Variants in ZC3H12B observed in about 807,000 individuals in gnomAD.
ZC3H12B encodes zinc finger CCCH-type containing 12B, also known as probable ribonuclease ZC3H12B.
ZC3H12B carries 7 observed loss-of-function variants against 43.9 expected under a neutral mutation model. That is an observed-to-expected ratio of 0.16 (90% confidence interval 0.09 to 0.30). The LOEUF (loss-of-function observed/expected upper bound fraction) is 0.30, where lower values mean the gene tolerates loss of function less well. ZC3H12B is among the 10% of genes least tolerant of loss of function. The probability of loss-of-function intolerance (pLI) is 1.00; values close to 1 mark genes in which losing one functional copy is unlikely to be tolerated. For missense variants in ZC3H12B, 475 were observed against 670.2 expected (o/e 0.71, Z 3.22); for synonymous variants, 222 against 241.7 (o/e 0.92, Z 0.76).
intron 3 of ZC3H12B, among the ~76,000 whole-genome samples, chrX:65,430,810 G>A (rs1488836508): frequency 1.8e-5 from 2 of 110,993 alleles, no homozygotes; most frequent in Non-Finnish European, 3.8e-5. Flanking sequence ...GCTGAGGATG[G>A]GGGTTCACTT....
the ZC3H12B span, among the ~76,000 whole-genome samples, chrX:65,277,320 A>G: frequency 1.8e-5 from 2 of 111,454 alleles, no homozygotes; most frequent in Admixed American, 9.6e-5. Context: ...TAGACAGCAA[A>G]TCAACTAAGA....
the ZC3H12B span, among the ~76,000 whole-genome samples, chrX:65,071,274 C>T: frequency 9.9e-6 from 1 of 101,448 alleles, no homozygotes; most frequent in Non-Finnish European, 2.0e-5. Flanking sequence ...GAATTGCAAC[C>T]TCTGCTTTTT....
At chrX:65,218,462 G>A in the ZC3H12B span, among the ~76,000 whole-genome samples, 2 of 111,860 alleles carry the variant, frequency 1.8e-5, no homozygotes, top group African/African-American at 6.5e-5. Context: ...TAAACTTGGT[G>A]CTGTTCGTGG....
At chrX:65,110,301 C>T in the ZC3H12B span, among the ~76,000 whole-genome samples, 1 of 109,671 alleles carries the variant, frequency 9.1e-6, no homozygotes, top group Non-Finnish European at 1.9e-5. Flanking sequence ...TGATAAAATT[C>T]AGTCTATCAA....
chrX:65,428,772 C>T (rs1046033382), intron 3 of ZC3H12B, among the ~76,000 whole-genome samples: 12 of 112,382 alleles, frequency 1.1e-4, no homozygotes, highest in Non-Finnish European at 1.9e-4. Context: ...CCATCTCAGC[C>T]TCAGCCCAGT....
the ZC3H12B span, among the ~76,000 whole-genome samples, chrX:65,297,646 T>C: frequency 9.1e-6 from 1 of 109,452 alleles, no homozygotes; most frequent in Admixed American, 9.8e-5. Context: ...AGAAAAAAAA[T>C]CCTAAAATTT....
chrX:65,411,805 TGGATGGAC>T (rs2066906657), intron 3 of ZC3H12B, among the ~76,000 whole-genome samples: 2 of 109,714 alleles, frequency 1.8e-5, no homozygotes, highest in African/African-American at 6.6e-5. Context: ...AATGCTTGAG[TGGATGGAC>T]GCCACATTTT....
intron 3 of ZC3H12B, among the ~76,000 whole-genome samples, chrX:65,410,964 C>A (rs1177791483): frequency 8.9e-6 from 1 of 112,090 alleles, no homozygotes; most frequent in African/African-American, 3.2e-5. Context: ...GAATATGTAA[C>A]TAAAAGAAAG....
At chrX:65,071,823 G>T in the ZC3H12B span, among the ~76,000 whole-genome samples, 2 of 112,026 alleles carry the variant, frequency 1.8e-5, no homozygotes, top group Middle Eastern at 9.2e-3. Flanking sequence ...GGCGTCCACT[G>T]TTAGTCTGAT....
chrX:65,252,927 T>C, the ZC3H12B span, among the ~76,000 whole-genome samples: 1 of 112,310 alleles, frequency 8.9e-6, no homozygotes, highest in African/African-American at 3.2e-5. Flanking sequence ...GCTTTGCCTT[T>C]AAATTATACG....
chrX:65,070,552 C>T, the ZC3H12B span, among the ~76,000 whole-genome samples: 1 of 110,827 alleles, frequency 9.0e-6, no homozygotes, highest in Non-Finnish European at 1.9e-5. Flanking sequence ...ATCTTTTTAA[C>T]TTTTTGATGT....
chrX:65,443,748 T>C (rs1484180970), intron 3 of ZC3H12B, among the ~76,000 whole-genome samples: 3 of 112,224 alleles, frequency 2.7e-5, no homozygotes, highest in Admixed American at 9.4e-5. Context: ...CCAGTTTGGG[T>C]GTTATGGCCA....
chrX:65,166,583 T>C, the ZC3H12B span, among the ~76,000 whole-genome samples: 1 of 111,939 alleles, frequency 8.9e-6, no homozygotes, highest in African/African-American at 3.3e-5. Context: ...CTGGGTCAAA[T>C]GGTATTTCTA....
chrX:65,193,109 G>GT, the ZC3H12B span, among the ~76,000 whole-genome samples: 12,243 of 97,045 alleles, frequency 0.13, 1,974 homozygotes, highest in African/African-American at 0.42. Flanking sequence ...TGGCCTGAAG[G>GT]TTTTTTTTTT....
At chrX:65,226,205 A>G in the ZC3H12B span, among the ~76,000 whole-genome samples, 1 of 111,896 alleles carries the variant, frequency 8.9e-6, no homozygotes, top group African/African-American at 3.3e-5. Context: ...GCCAGAAGAG[A>G]GTGGGGGCCA....
At chrX:65,230,680 C>G in the ZC3H12B span, among the ~76,000 whole-genome samples, 2 of 107,660 alleles carry the variant, frequency 1.9e-5, no homozygotes, top group African/African-American at 6.8e-5. Context: ...ATATTATATT[C>G]AGCGTTTTTC....
chrX:65,144,258 T>C, the ZC3H12B span, among the ~76,000 whole-genome samples: 1 of 111,951 alleles, frequency 8.9e-6, no homozygotes, highest in South Asian at 3.7e-4. Context: ...TTTTCTAGTT[T>C]ATCTACATAA....
At chrX:65,213,949 A>T in the ZC3H12B span, among the ~76,000 whole-genome samples, 1 of 110,697 alleles carries the variant, frequency 9.0e-6, no homozygotes, top group Middle Eastern at 4.7e-3. Context: ...ACACACATAT[A>T]TAACAAGTCA....
At chrX:65,454,361 C>T (rs2067571817) in intron 3 of ZC3H12B, among the ~76,000 whole-genome samples, 1 of 112,441 alleles carries the variant, frequency 8.9e-6, no homozygotes, top group African/African-American at 3.2e-5. Flanking sequence ...GGGTCCTACA[C>T]CCACAGAGCC....
Sources: allele counts gnomAD v4.1 joint callset (sites outside exome capture counted in the v4.1 genomes callset), GRCh38; gene constraint gnomAD v4.1.1; transcripts MANE v1.5; gene names NCBI Gene and HGNC (gene_info 2026-07-23, HGNC 2026-07-21).